The following BCL9 variants were observed in gnomAD, a reference collection of about 807,000 sequenced individuals.
BCL9 encodes BCL9 transcription coactivator, also known as B-cell CLL/lymphoma 9 protein.
Under a neutral mutation model 88.5 loss-of-function variants are expected in BCL9, and 25 were observed. The observed-to-expected ratio is 0.28, with a 90% CI of 0.21 to 0.39. BCL9 has a LOEUF of 0.39. Ranked by LOEUF, BCL9 falls within the 10% of genes least tolerant of loss-of-function variation. The pLI is 1.00. For missense variants in BCL9, 1,817 were observed against 1,877.8 expected (o/e 0.97, Z 0.60); for synonymous variants, 711 against 673.3 (o/e 1.06, Z -0.87).
chr1:147,569,192 A>G (rs1399508735), intron 1 of BCL9, among the ~76,000 whole-genome samples: 3 of 151,806 alleles, frequency 2.0e-5, no homozygotes, highest in Non-Finnish European at 4.4e-5. Flanking sequence ...GGAAGAGGGA[A>G]CAGAATGTGC....
At chr1:147,569,521 G>A (rs141325157) in intron 1 of BCL9, among the ~76,000 whole-genome samples, 1,862 of 150,618 alleles carry the variant, frequency 0.012, 16 homozygotes, top group Non-Finnish European at 0.018. Flanking sequence ...GTGGTGGCAT[G>A]TGCCCGTAAT....
intron 1 of BCL9, among the ~76,000 whole-genome samples, chr1:147,576,606 T>C (rs782210567): frequency 7.2e-5 from 11 of 152,198 alleles, no homozygotes; most frequent in Non-Finnish European, 1.6e-4. Context: ...CTGCTTGACT[T>C]ATGACAATAA....
intron 1 of BCL9, among the ~76,000 whole-genome samples, chr1:147,579,152 C>T (rs1249803900): frequency 1.3e-5 from 2 of 152,134 alleles, no homozygotes; most frequent in Non-Finnish European, 2.9e-5. Flanking sequence ...AGTCGTGAGC[C>T]ACCGCGCCCA....
chr1:147,576,233 G>T (rs1656106432), intron 1 of BCL9, among the ~76,000 whole-genome samples: 1 of 152,072 alleles, frequency 6.6e-6, no homozygotes, highest in Admixed American at 6.6e-5. Flanking sequence ...ATTAGTAGAT[G>T]ATACTTGCAC....
At chr1:147,543,681 G>A (rs1172884943) in intron 1 of BCL9, among the ~76,000 whole-genome samples, 1 of 152,066 alleles carries the variant, frequency 6.6e-6, no homozygotes, top group African/African-American at 2.4e-5. Context: ...GAACTGCAAG[G>A]AAAAAGAAGT....
intron 2 of BCL9, among the ~76,000 whole-genome samples, chr1:147,605,331 A>G (rs1553201851): frequency 6.6e-6 from 1 of 152,242 alleles, no homozygotes; most frequent in Non-Finnish European, 1.5e-5. Context: ...TTCCGTGTCT[A>G]CACATACAGT....
At position 147,626,157 on chromosome 1, in the gene BCL9, A is replaced by G; in HGVS notation, c.*1198A>G. 1 of 204,764 alleles carries G rather than the reference A, an allele frequency of 4.9e-6. No individual in the cohort carries two copies. The highest frequency in any genetic ancestry group is 2.3e-5 in the African/African-American group (1 of 43,828). 12.7% of individuals were successfully genotyped at this position (204,764 alleles called of 1,614,324 possible). A position where few individuals can be genotyped will look rare whatever the true frequency, so the allele number is the denominator to read the frequency against. On this transcript the variant is annotated 3_prime_UTR_variant, in exon 10 of 10. Coordinates refer to ENST00000234739, the MANE Select transcript of BCL9 (RefSeq NM_004326.4). ...CTGTGTAACCTCCATTAAATTTGGT[A>G]CAAAACCACTCGCCAGAGCTGTGGT...
chr1:147,568,274 G>A (rs1324768488), intron 1 of BCL9, among the ~76,000 whole-genome samples: 2 of 152,138 alleles, frequency 1.3e-5, no homozygotes, highest in African/African-American at 4.8e-5. Flanking sequence ...GCCTTGAGAG[G>A]CTTTAAAATC....
chr1:147,616,811 A>C (rs1658307829), intron 7 of BCL9, among the ~76,000 whole-genome samples: 5 of 151,510 alleles, frequency 3.3e-5, no homozygotes, highest in Admixed American at 3.3e-4. Context: ...TAATGCATGT[A>C]GTTTACCAAA....
At chr1:147,606,423 A>AT (rs1335120916) in intron 2 of BCL9, among the ~76,000 whole-genome samples, 3 of 152,216 alleles carry the variant, frequency 2.0e-5, no homozygotes, top group Non-Finnish European at 2.9e-5. Flanking sequence ...CAGCTTTCAA[A>AT]TCTCTATACT....
In BCL9 at chr1:147,564,992, A is replaced by G. The variant is rs373616374; in HGVS notation, c.-478+23318A>G. On this transcript the variant is annotated intron_variant, in intron 1 of 9. Transcript: ENST00000234739. ...TTCGAGTACTCAATAGCTACATGTA[A>G]CTAGTGGCTACCATATTGGGCAGTG... is the stretch of plus-strand genomic sequence containing the variant. Among the ~76,000 whole-genome samples the G allele has an allele frequency of 5.3e-4, 81 of 152,328 alleles. 2 individuals carry two copies. The East Asian group carries it at 0.012, about 23-fold the overall frequency.
chr1:147,555,957 A>G (rs1310097004), intron 1 of BCL9, among the ~76,000 whole-genome samples: 1 of 152,202 alleles, frequency 6.6e-6, no homozygotes, highest in African/African-American at 2.4e-5. Context: ...TAATAGGAAG[A>G]AGTAGCACAA....
chr1:147,618,627 AG>A (rs1432129227), intron 7 of BCL9, among the ~76,000 whole-genome samples, 188 bp from the exon 8 acceptor site: 87 of 45,632 alleles, frequency 1.9e-3, no homozygotes, highest in Non-Finnish European at 5.7e-4. Flanking sequence ...ACCATTTGAC[AG>A]TAAGTTTAAA....
intron 1 of BCL9, among the ~76,000 whole-genome samples, chr1:147,565,495 T>G (rs1655559278): frequency 1.3e-5 from 2 of 152,136 alleles, no homozygotes; most frequent in African/African-American, 4.8e-5. Flanking sequence ...TGTTGGTGAG[T>G]GCTCATTATG....
intron 1 of BCL9, among the ~76,000 whole-genome samples, chr1:147,599,818 C>G (rs1170829017): frequency 4.0e-5 from 6 of 151,182 alleles, no homozygotes; most frequent in Admixed American, 3.9e-4. Context: ...TGGGCAGGGC[C>G]CTGCGGGAAG....
intron 1 of BCL9, among the ~76,000 whole-genome samples, chr1:147,603,726 G>C (rs1163154141): frequency 4.6e-5 from 7 of 151,932 alleles, no homozygotes; most frequent in South Asian, 2.1e-4. Context: ...GGCCAGGCTG[G>C]TCTCGAACTC....
intron 1 of BCL9, among the ~76,000 whole-genome samples, chr1:147,604,286 C>G (rs1269879760): frequency 6.6e-6 from 1 of 152,132 alleles, no homozygotes; most frequent in Admixed American, 6.5e-5. Context: ...CCGTGGGATC[C>G]CAAGTTAAGA....
At chr1:147,613,276 C>T (rs1658105304) in intron 5 of BCL9, 77 bp downstream of exon 5, 3 of 1,473,316 alleles carry the variant, frequency 2.0e-6, no homozygotes, top group Non-Finnish European at 2.8e-6. Flanking sequence ...CGACAGAGGC[C>T]AGAGAGCCTA....
At position 147,616,603 on chromosome 1, in the gene BCL9, T is replaced by TA. The variant is rs1461759890; in HGVS notation, c.660+706dup. 9.2e-5 allele frequency among the ~76,000 whole-genome samples: 14 copies of TA among 152,052 alleles called. No homozygotes were observed. The South Asian group carries it at 2.1e-3, about 23-fold the overall frequency. On this transcript the variant is annotated intron_variant, in intron 7 of 9. Coordinates refer to ENST00000234739, the MANE Select transcript of BCL9 (RefSeq NM_004326.4). ...TAACCCAGTGAAACCCCGTCTTTAC[T>TA]AAAAATACAAAAAATTAGCCGGGCA...
Sources: gnomAD v4.1 joint callset for allele counts (sites outside exome capture counted in the v4.1 genomes callset) on GRCh38, gnomAD v4.1.1 for gene constraint, MANE v1.5 for transcripts, NCBI Gene and HGNC (gene_info 2026-07-23, HGNC 2026-07-21) for gene names.